Variants in CRY2 observed in about 807,000 individuals in gnomAD.
The protein encoded by CRY2 is cryptochrome-2.
In CRY2, 31 loss-of-function variants were observed where a neutral mutation model predicts 69.5. That is an observed-to-expected ratio of 0.45 (90% CI 0.34 to 0.60). The LOEUF is 0.60. Ranked by LOEUF, CRY2 falls within the 20% of genes least tolerant of loss-of-function variation. The pLI is 0.02. For synonymous variants in CRY2, 303 were observed against 312.2 expected, an observed-to-expected ratio of 0.97 and a Z score of 0.31; for missense variants, 606 against 797.8, an observed-to-expected ratio of 0.76 and a Z score of 2.90.
At chr11:45,877,825 T>C (rs1169454401) in intron 11 of CRY2, among the ~76,000 whole-genome samples, 3 of 152,214 alleles carry the variant, frequency 2.0e-5, no homozygotes, top group African/African-American at 4.8e-5. Context: ...CAACTAGTTA[T>C]CTGCTGATCA....
At chr11:45,876,073 TG>T (rs2086422236) in intron 11 of CRY2, among the ~76,000 whole-genome samples, 2 of 152,190 alleles carry the variant, frequency 1.3e-5, no homozygotes, top group Admixed American at 6.5e-5. Context: ...CAGGGAGACT[TG>T]CCCCTCTTTC....
intron 11 of CRY2, among the ~76,000 whole-genome samples, chr11:45,873,085 C>G (rs17787136): frequency 0.2 from 31,152 of 152,168 alleles, 3,514 homozygotes; most frequent in Non-Finnish European, 0.26. Flanking sequence ...TGGAAGCCTC[C>G]TGAATGTCAT....
Position 45,847,590 on chromosome 11 carries a change from C to G in CRY2, c.100C>G (p.Leu34Val). ...SVHWFRKGLR[L>V]HDNPALLAAV... ...GCACTGGTTCCGCAAAGGGCTGCGA[C>G]TCCACGACAACCCGGCGTTGCTGGC... is the stretch of plus-strand genomic sequence containing the variant. Residue 34 changes from leucine to valine, a missense_variant, in exon 1 of 12, where the codon CTC becomes GTC. Around this residue, in one of 5 missense-constraint regions of CRY2, gnomAD observed 3 missense variants for 18.8 expected, o/e 0.16. Coordinates refer to ENST00000616080, the MANE Select transcript of CRY2 (RefSeq NM_021117.5). The G allele has an allele frequency of 6.2e-7, 1 of 1,604,902 alleles. No individual in the cohort carries two copies. Among genetic ancestry groups the G allele is most frequent in the Non-Finnish European group, 8.5e-7 (1 of 1,176,978 alleles).
In CRY2 at chr11:45,869,582, C is replaced by T; in HGVS notation, c.959C>T (p.Thr320Ile). Residue 320 changes from threonine to isoleucine, a missense_variant, in exon 7 of 12, where the codon ACC becomes ATC. Thr to Ile is a moderately conservative substitution (Grantham distance 89, BLOSUM62 -1). This residue lies in a region of CRY2 where 382 missense variants were observed against 508.9 expected (regional missense o/e 0.75). Transcript: ENST00000616080. Reference protein sequence around the residue: ...LWREFFYTAATNNPRFDRMEG... With the variant: ...LWREFFYTAAINNPRFDRMEG... ...CGAGAGTTCTTCTACACGGCAGCTA[C>T]CAACAACCCCAGGTTTGACCGCATG... The T allele has an allele frequency of 1.9e-6, 3 of 1,614,266 alleles. No individual in the cohort carries two copies. Among genetic ancestry groups the T allele is most frequent in the Non-Finnish European group, 2.5e-6 (3 of 1,180,046 alleles).
intron 5 of CRY2, among the ~76,000 whole-genome samples, chr11:45,862,558 A>C (rs948171210): frequency 7.9e-5 from 12 of 152,212 alleles, no homozygotes; most frequent in African/African-American, 2.9e-4. Flanking sequence ...TTCAGATTTT[A>C]GATTCTTGAA....
chr11:45,856,539 G>A (rs2086240468), intron 2 of CRY2, among the ~76,000 whole-genome samples: 1 of 152,252 alleles, frequency 6.6e-6, no homozygotes. Context: ...GCTCACGCCT[G>A]TAATCCCAGC....
In CRY2 at chr11:45,882,263, AGTGT is replaced by A. The variant is rs3061865; in HGVS notation, c.*1366_*1369del. On this transcript the variant is annotated 3_prime_UTR_variant, in exon 12 of 12. Coordinates refer to ENST00000616080, the MANE Select transcript of CRY2 (RefSeq NM_021117.5). ...CCTGTGGCCTGCACTTGAGCCACAAAGTGTGTGTGTGTGTGTGCGTGTGTGGTAC... is the reference window on the plus strand; with the variant it reads ...CCTGTGGCCTGCACTTGAGCCACAAAGTGTGTGTGTGTGCGTGTGTGGTAC... 12 of 188,472 alleles carry A rather than the reference AGTGT, an allele frequency of 6.4e-5. No individual in the cohort carries two copies. The highest frequency in any genetic ancestry group is 9.8e-5 in the Non-Finnish European group (9 of 92,000). The allele number at this position is 188,472 out of a possible 1,614,324, so 11.7% of individuals were successfully genotyped here.
In CRY2 at chr11:45,879,803, C is replaced by G. The variant is rs145082940; in HGVS notation, c.*3-1111C>G. 9.7e-4 allele frequency among the ~76,000 whole-genome samples: 147 copies of G among 152,318 alleles called. 1 individual carries two copies. Among genetic ancestry groups the G allele is most frequent in the African/African-American group, 3.4e-3 (141 of 41,568 alleles). Reference sequence around the variant, plus strand: ...AAGAGAAATGTGTCCTCTCACTGTTCTGGAGGCTGGAAGTCTAAGATCAAA... The same window carrying G: ...AAGAGAAATGTGTCCTCTCACTGTTGTGGAGGCTGGAAGTCTAAGATCAAA... On this transcript the variant is annotated intron_variant, in intron 11 of 11. Transcript: ENST00000616080.
chr11:45,878,924 A>T (rs2086446680), intron 11 of CRY2, among the ~76,000 whole-genome samples: 1 of 68,102 alleles, frequency 1.5e-5, no homozygotes, highest in Non-Finnish European at 3.6e-5. Flanking sequence ...ATCTATTAAA[A>T]AAAAAAAAAA....
chr11:45,853,034 CTGTT>C (rs751527623), intron 1 of CRY2, among the ~76,000 whole-genome samples: 9 of 152,212 alleles, frequency 5.9e-5, no homozygotes, highest in African/African-American at 1.2e-4. Context: ...CCTCAGTGCT[CTGTT>C]TGTTGAGAGG....
At position 45,879,666 on chromosome 11, in the gene CRY2, T is replaced by C. The variant is rs139581999; in HGVS notation, c.*3-1248T>C. Among the ~76,000 whole-genome samples the C allele has an allele frequency of 6.6e-5, 10 of 152,364 alleles. No homozygotes were observed. In the East Asian group the frequency reaches 1.7e-3, roughly 26 times the overall value. On this transcript the variant is annotated intron_variant, in intron 11 of 11. Transcript: ENST00000616080. Reference sequence around the variant, plus strand: ...CAAGTTCCTTCTCCTCTCTGGTTTCTGTTTTCTCATCTACAAAAATGGAGG... The same window carrying C: ...CAAGTTCCTTCTCCTCTCTGGTTTCCGTTTTCTCATCTACAAAAATGGAGG...
intron 5 of CRY2, among the ~76,000 whole-genome samples, chr11:45,865,243 A>C (rs2086321112): frequency 6.6e-6 from 1 of 152,184 alleles, no homozygotes; most frequent in Non-Finnish European, 1.5e-5. Flanking sequence ...TGTTTATTAT[A>C]AAAGCTGAGG....
chr11:45,869,376 T>A, intron 6 of CRY2, 130 bp from the exon 7 acceptor site: 1 of 926,940 alleles, frequency 1.1e-6, no homozygotes, highest in South Asian at 1.6e-5. Flanking sequence ...TAGGGGATAG[T>A]CCCTCCACAT....
At chr11:45,861,137 G>A in intron 4 of CRY2, 105 bp downstream of exon 4, 2 of 1,336,588 alleles carry the variant, frequency 1.5e-6, no homozygotes, top group Admixed American at 2.7e-5. Flanking sequence ...AGAAAGCACA[G>A]GAAAACAAAA....
intron 2 of CRY2, chr11:45,858,188 T>C (rs1401419): frequency 0.4 from 60,487 of 152,240 alleles, 14,568 homozygotes; most frequent in Middle Eastern, 0.52. Context: ...TCGCTTCCCC[T>C]TTCCTGACTC....
At chr11:45,869,972 C>T in intron 7 of CRY2, 81 bp from the exon 8 acceptor site, 1 of 1,526,414 alleles carries the variant, frequency 6.6e-7, no homozygotes, top group Non-Finnish European at 8.8e-7. Context: ...AGGGTTTTGG[C>T]TCCTGGGGGC....
At chr11:45,855,883 G>C (rs1368757269) in intron 1 of CRY2, 99 bp from the exon 2 acceptor site, 8 of 1,030,272 alleles carry the variant, frequency 7.8e-6, no homozygotes, top group Non-Finnish European at 1.2e-5. Context: ...GAGGCTGCCT[G>C]TTGGGCATAA....
At chr11:45,860,230 G>A (rs976719874) in intron 3 of CRY2, among the ~76,000 whole-genome samples, 2 of 152,018 alleles carry the variant, frequency 1.3e-5, no homozygotes, top group Non-Finnish European at 2.9e-5. Context: ...CTCTCTTTAA[G>A]TATCAGTTGT....
chr11:45,878,911 T>C (rs1313976807), intron 11 of CRY2, among the ~76,000 whole-genome samples: 16 of 62,292 alleles, frequency 2.6e-4, no homozygotes, highest in South Asian at 6.0e-4. Flanking sequence ...AGAACAAGAC[T>C]CCATCTATTA....
Sources: allele counts gnomAD v4.1 joint callset (sites outside exome capture counted in the v4.1 genomes callset), GRCh38; gene constraint gnomAD v4.1.1; regional missense constraint gnomAD v4.1.1; transcripts MANE v1.5; gene names NCBI Gene and HGNC (gene_info 2026-07-23, HGNC 2026-07-21).